The following GRIA2 variants were observed in gnomAD, a reference collection of about 807,000 sequenced individuals.
The protein encoded by GRIA2 is glutamate ionotropic receptor AMPA type subunit 2.
A neutral mutation model predicts 97.3 loss-of-function variants in GRIA2; 14 were observed. That is an observed-to-expected ratio of 0.14 (90% CI 0.10 to 0.23). The LOEUF (loss-of-function observed/expected upper bound fraction) is 0.23, where lower values mean the gene tolerates loss of function less well. GRIA2 is among the 10% of genes least tolerant of loss of function. GRIA2 has a pLI of 1.00. For synonymous variants in GRIA2, 412 were observed against 387.8 expected (o/e 1.06, Z -0.73); for missense variants, 558 against 1,069.8 (o/e 0.52, Z 6.67).
intron 2 of GRIA2, among the ~76,000 whole-genome samples, chr4:157,287,024 A>G (rs1251381129): frequency 6.6e-6 from 1 of 151,580 alleles, no homozygotes; most frequent in Admixed American, 6.6e-5. Flanking sequence ...TCTTTAAATT[A>G]CTGTCTCCTA....
At chr4:157,222,570 G>A (rs1038563715) in intron 2 of GRIA2, among the ~76,000 whole-genome samples, 7 of 152,204 alleles carry the variant, frequency 4.6e-5, no homozygotes, top group African/African-American at 1.7e-4. Flanking sequence ...GCCGCCAGGG[G>A]CGCCGCGGTC....
intron 2 of GRIA2, among the ~76,000 whole-genome samples, chr4:157,246,970 T>A (rs1254002132): frequency 2.6e-5 from 4 of 152,208 alleles, no homozygotes; most frequent in African/African-American, 9.6e-5. Flanking sequence ...TTTGCAGTGA[T>A]ATTTCATATG....
chr4:157,280,126 A>G (rs1331908019), intron 2 of GRIA2, among the ~76,000 whole-genome samples: 3 of 152,118 alleles, frequency 2.0e-5, no homozygotes, highest in South Asian at 2.1e-4. Flanking sequence ...CTTTGGCTCA[A>G]ACAAACAAAC....
chr4:157,283,556 C>A (rs1732704055), intron 2 of GRIA2, among the ~76,000 whole-genome samples: 1 of 151,958 alleles, frequency 6.6e-6, no homozygotes, highest in Non-Finnish European at 1.5e-5. Flanking sequence ...TGCAAAAATT[C>A]ATCAGAATCA....
At chr4:157,344,034 TCA>T (rs1735663539) in intron 12 of GRIA2, among the ~76,000 whole-genome samples, 1 of 152,090 alleles carries the variant, frequency 6.6e-6, no homozygotes, top group African/African-American at 2.4e-5. Context: ...ATCATACCTT[TCA>T]CACAGAGTTA....
intron 2 of GRIA2, among the ~76,000 whole-genome samples, chr4:157,250,114 G>A (rs1361692260): frequency 1.3e-5 from 2 of 152,138 alleles, no homozygotes; most frequent in Non-Finnish European, 2.9e-5. Flanking sequence ...AAAGAAAATG[G>A]CTCCCTTTTT....
chr4:157,238,913 A>C (rs1056634235), intron 2 of GRIA2, among the ~76,000 whole-genome samples: 2 of 152,112 alleles, frequency 1.3e-5, no homozygotes, highest in Admixed American at 1.3e-4. Flanking sequence ...TTGTTATATA[A>C]AATAGTTTTT....
At chr4:157,355,975 A>ATTTATG (rs1736319002) in intron 12 of GRIA2, among the ~76,000 whole-genome samples, 1 of 65,472 alleles carries the variant, frequency 1.5e-5, no homozygotes, top group African/African-American at 4.9e-5. Flanking sequence ...ATATTAATAT[A>ATTTATG]TATATTTATA....
chr4:157,280,783 C>T (rs1442577056), intron 2 of GRIA2, among the ~76,000 whole-genome samples: 1 of 151,964 alleles, frequency 6.6e-6, no homozygotes, highest in Non-Finnish European at 1.5e-5. Flanking sequence ...CAAATTAAGT[C>T]ACACAGTCGT....
At chr4:157,346,409 T>C (rs1735767248) in intron 12 of GRIA2, among the ~76,000 whole-genome samples, 1 of 152,138 alleles carries the variant, frequency 6.6e-6, no homozygotes, top group African/African-American at 2.4e-5. Flanking sequence ...TTCCTGATAT[T>C]GCTAATGATT....
In GRIA2 at chr4:157,361,410, T is replaced by C; in HGVS notation, c.2406+286T>C. 2.6e-6 allele frequency: 2 copies of C among 755,246 alleles called. No individual in the cohort carries two copies. Among genetic ancestry groups the C allele is most frequent in the Non-Finnish European group, 4.4e-6 (2 of 455,190 alleles). The allele number at this position is 755,246 out of a possible 1,614,324, so 46.8% of individuals were successfully genotyped here. ...TAATGCTCATTTGGCTCTGCAAATC[T>C]TACCGTTTGCTTAGGCCAAATGGCG... On this transcript the variant is annotated intron_variant, in intron 14 of 15. Transcript: ENST00000264426. The surrounding 1 kb of genome is among the most constrained non-coding windows in gnomAD (Gnocchi z 5.2).
intron 12 of GRIA2, among the ~76,000 whole-genome samples, chr4:157,351,413 G>A (rs549435333): frequency 6.6e-6 from 1 of 152,184 alleles, no homozygotes; most frequent in Admixed American, 6.5e-5. Flanking sequence ...ATATGTGCAC[G>A]TATAGTTAAT....
At chr4:157,333,177 A>C in intron 7 of GRIA2, 72 bp from the exon 8 acceptor site, 1 of 962,994 alleles carries the variant, frequency 1.0e-6, no homozygotes, top group Non-Finnish European at 1.6e-6. Flanking sequence ...ATCTGGTTAA[A>C]GTAATCTGTA....
At chr4:157,305,097 C>T (rs775682642) in intron 3 of GRIA2, among the ~76,000 whole-genome samples, 15 of 152,090 alleles carry the variant, frequency 9.9e-5, no homozygotes, top group African/African-American at 3.4e-4. Context: ...ATGTTTCCGA[C>T]GCACACTTAT....
rs1015525300 is a variant in GRIA2 at position 157,365,749 on chromosome 4, G to C, written c.*2318G>C. 1.3e-5 allele frequency: 2 copies of C among 151,686 alleles called. No individual in the cohort carries two copies. Among genetic ancestry groups the C allele is most frequent in the South Asian group, 2.1e-4 (1 of 4,830 alleles). The allele number at this position is 151,686 out of a possible 1,614,324, so 9.4% of individuals were successfully genotyped here. Reference sequence around the variant, plus strand: ...CAAGAGTGATGACAGCTGTCTAAAGGTTTTTTTATTCATTTTATATAAAAA... The same window carrying C: ...CAAGAGTGATGACAGCTGTCTAAAGCTTTTTTTATTCATTTTATATAAAAA... On this transcript the variant is annotated 3_prime_UTR_variant, in exon 16 of 16. Transcript: ENST00000264426.
At chr4:157,254,459 C>T (rs1731153456) in intron 2 of GRIA2, among the ~76,000 whole-genome samples, 1 of 151,976 alleles carries the variant, frequency 6.6e-6, no homozygotes, top group Admixed American at 6.6e-5. Flanking sequence ...CTTCATGTAA[C>T]TGATAAATTG....
intron 5 of GRIA2, 150 bp from the exon 6 acceptor site, chr4:157,321,288 A>G (rs184623783): frequency 6.8e-5 from 40 of 591,752 alleles, no homozygotes; most frequent in Non-Finnish European, 8.0e-5. Context: ...ACACTGGCTG[A>G]TAAATACATG....
chr4:157,326,992 T>C (rs1377900090), intron 6 of GRIA2, among the ~76,000 whole-genome samples: 3 of 152,128 alleles, frequency 2.0e-5, no homozygotes, highest in South Asian at 2.1e-4. Flanking sequence ...GTTGTCTTAA[T>C]TGTGGTTGTG....
chr4:157,341,240 A>C (rs1369812141), intron 11 of GRIA2, 24 bp from the exon 12 acceptor site: 1 of 1,540,356 alleles, frequency 6.5e-7, no homozygotes, highest in Non-Finnish European at 9.0e-7. Flanking sequence ...TCACTTTACA[A>C]ATCCATTTCA....
Sources: gnomAD v4.1 joint callset for allele counts (sites outside exome capture counted in the v4.1 genomes callset) on GRCh38, gnomAD v4.1.1 for gene constraint, Gnocchi (gnomAD v3.1) non-coding constraint, MANE v1.5 for transcripts, NCBI Gene and HGNC (gene_info 2026-07-23, HGNC 2026-07-21) for gene names.